The following PTGER4 variants were observed in gnomAD, a reference collection of about 807,000 sequenced individuals.
The protein encoded by PTGER4 is prostaglandin E receptor 4.
PTGER4 carries 11 observed loss-of-function variants against 33.2 expected under a neutral mutation model. The observed-to-expected ratio is 0.33, with a 90% CI of 0.21 to 0.55. The LOEUF is 0.55. Ranked by LOEUF, PTGER4 falls within the 20% of genes least tolerant of loss-of-function variation. PTGER4 has a pLI of 0.92. For missense variants in PTGER4, 481 were observed against 650.2 expected, an observed-to-expected ratio of 0.74 and a Z score of 2.83; for synonymous variants, 275 against 281.5, an observed-to-expected ratio of 0.98 and a Z score of 0.23.
chr5:40,696,557 T>C, downstream of PTGER4: 2 of 604,860 alleles, frequency 3.3e-6, no homozygotes, highest in Non-Finnish European at 4.1e-6. Flanking sequence ...GGAAGTACCT[T>C]GGCAGAAAGG....
chr5:40,705,645 C>G, the PTGER4 span, among the ~76,000 whole-genome samples: 2 of 151,990 alleles, frequency 1.3e-5, no homozygotes, highest in African/African-American at 2.4e-5. Flanking sequence ...AACAAACAAC[C>G]CCATTAAAAC....
the PTGER4 span, among the ~76,000 whole-genome samples, chr5:40,701,627 A>G: frequency 6.6e-6 from 1 of 152,248 alleles, no homozygotes; most frequent in African/African-American, 2.4e-5. Context: ...ATCATCTACC[A>G]AATTTCTCAA....
chr5:40,681,036 G>A lies in PTGER4; in HGVS notation c.43G>A (p.Asp15Asn). ...CAATTCGTCCGCCTCCTTGAGCCCC[G>A]ACCGGCTGAACAGCCCAGTGACCAT... ...GVNSSASLSP[D>N]RLNSPVTIPA... is the part of the protein sequence containing the mutation. Residue 15 changes from aspartate (D) to asparagine (N), a missense_variant, in exon 2 of 3, where the codon GAC becomes AAC. Around this residue, in one of 7 missense-constraint regions of PTGER4, gnomAD observed 26 missense variants for 21.0 expected, o/e 1.24. Coordinates refer to ENST00000302472, the MANE Select transcript of PTGER4 (RefSeq NM_000958.3). The surrounding 1 kb of genome is among the most constrained non-coding windows in gnomAD (Gnocchi z 9.8). The A allele has an allele frequency of 6.2e-7, 1 of 1,613,892 alleles. No homozygotes were observed.
At chr5:40,744,487 GTTTTTT>G in the PTGER4 span, among the ~76,000 whole-genome samples, 1 of 136,414 alleles carries the variant, frequency 7.3e-6, no homozygotes, top group Non-Finnish European at 1.6e-5. Context: ...ACTCTTACCA[GTTTTTT>G]TTTTTTTTTT....
intron 2 of PTGER4, among the ~76,000 whole-genome samples, chr5:40,687,369 C>A (rs995381554): frequency 5.3e-5 from 8 of 152,116 alleles, no homozygotes; most frequent in Admixed American, 5.2e-4. Flanking sequence ...CTCGGAGGTT[C>A]AGTTTTATCA....
chr5:40,720,514 C>T, the PTGER4 span, among the ~76,000 whole-genome samples: 260 of 152,268 alleles, frequency 1.7e-3, 1 homozygote, highest in African/African-American at 5.9e-3. Flanking sequence ...GCTGCAATTA[C>T]ATTTTCAAAT....
chr5:40,681,455 C>T lies in PTGER4; in HGVS notation c.462C>T (p.Pro154=). 6.2e-7 allele frequency: 1 copy of T among 1,613,818 alleles called. No individual in the cohort carries two copies. Among genetic ancestry groups the T allele is most frequent in the South Asian group, 1.1e-5 (1 of 91,078 alleles). The change falls in exon 2 of 3, where the codon CCC becomes CCT. Residue 154 remains proline (P), a synonymous_variant. Transcript: ENST00000302472. This position sits in a 1 kb window ranked among gnomAD's most constrained non-coding sequence, Gnocchi z 9.8. ...CCAACGTGCTCTTTTGCGCGCTGCC[C>T]AACATGGGTCTCGGTAGCTCGCGGC... ...YASNVLFCAL[P]NMGLGSSRLQ...
the PTGER4 span, among the ~76,000 whole-genome samples, chr5:40,708,895 C>A: frequency 6.6e-6 from 1 of 151,976 alleles, no homozygotes; most frequent in Non-Finnish European, 1.5e-5. Flanking sequence ...AATCAATAAA[C>A]GTAATCCAGC....
chr5:40,691,970 G>T lies in PTGER4; in HGVS notation c.1059G>T (p.Gly353=), dbSNP rs1165879853. 1.2e-6 allele frequency: 2 copies of T among 1,614,164 alleles called. No individual in the cohort carries two copies. Among genetic ancestry groups the T allele is most frequent in the South Asian group, 2.2e-5 (2 of 91,088 alleles). The change falls in exon 3 of 3, where the codon GGG becomes GGT. Residue 353 remains glycine (G), a synonymous_variant. Transcript: ENST00000302472. The surrounding 1 kb of genome is among the most constrained non-coding windows in gnomAD (Gnocchi z 4.2). ...KIKCLFCRIG[G]SRRERSGQHC... The stretch of plus-strand genomic sequence containing the variant: ...AATGCCTCTTCTGCCGCATTGGCGG[G>T]TCCCGCAGGGAGCGCTCCGGACAGC...
chr5:40,700,420 C>T, the PTGER4 span, among the ~76,000 whole-genome samples: 29 of 152,334 alleles, frequency 1.9e-4, no homozygotes, highest in Middle Eastern at 3.4e-3. Flanking sequence ...CTTGGACTAA[C>T]GAAGGAGCAA....
At chr5:40,699,655 G>A in the PTGER4 span, among the ~76,000 whole-genome samples, 3 of 152,072 alleles carry the variant, frequency 2.0e-5, no homozygotes, top group Non-Finnish European at 4.4e-5. Flanking sequence ...ATCATCATGA[G>A]TAAGTAGGGT....
chr5:40,728,295 A>AAAAAAAAAAAAAAAT, the PTGER4 span: 6 of 1,239,902 alleles, frequency 4.8e-6, no homozygotes, highest in Non-Finnish European at 6.5e-6. Context: ...AAAAAAAAAA[A>AAAAAAAAAAAAAAAT]GTCAAAATAT....
chr5:40,731,336 G>A, the PTGER4 span, among the ~76,000 whole-genome samples: 2 of 149,870 alleles, frequency 1.3e-5, no homozygotes, highest in Non-Finnish European at 3.0e-5. Context: ...CACATATCAT[G>A]CCTTTGTTAG....
chr5:40,692,269 T>C lies in PTGER4; in HGVS notation c.1358T>C (p.Leu453Pro), dbSNP rs1452652452. The C allele has an allele frequency of 6.2e-7, 1 of 1,614,232 alleles. No individual in the cohort carries two copies. Among genetic ancestry groups the C allele is most frequent in the Admixed American group, 1.7e-5 (1 of 60,030 alleles). The change falls in exon 3 of 3, where the codon CTG becomes CCG. Residue 453 changes from leucine (L) to proline (P), a missense_variant. This residue lies in a region of PTGER4 where 172 missense variants were observed against 199.2 expected (regional missense o/e 0.86). Coordinates refer to ENST00000302472, the MANE Select transcript of PTGER4 (RefSeq NM_000958.3). ...GGTCAGGACTCAGAGAGTGTCTTAC[T>C]GGTGGATGAGGCTGGTGGGAGCGGC... The part of the protein sequence containing the change: ...SQGQDSESVL[L>P]VDEAGGSGRA...
At chr5:40,690,556 G>A (rs7737225) in intron 2 of PTGER4, among the ~76,000 whole-genome samples, 149,626 of 152,302 alleles carry the variant, frequency 0.98, 73,559 homozygotes, top group East Asian at 1. Context: ...TCATTCATCC[G>A]TTGTGATTAC....
At chr5:40,731,077 C>A in the PTGER4 span, among the ~76,000 whole-genome samples, 1 of 152,068 alleles carries the variant, frequency 6.6e-6, no homozygotes, top group Non-Finnish European at 1.5e-5. Context: ...AACAATATTT[C>A]CAAATGTTAT....
At chr5:40,738,519 AAATAAAATAC>A in the PTGER4 span, among the ~76,000 whole-genome samples, 14 of 69,066 alleles carry the variant, frequency 2.0e-4, no homozygotes, top group Admixed American at 8.6e-4. Context: ...AAATACAATA[AAATAAAATAC>A]AATAAAATAC....
At chr5:40,690,307 T>G (rs45567036) in intron 2 of PTGER4, among the ~76,000 whole-genome samples, 87 of 152,274 alleles carry the variant, frequency 5.7e-4, no homozygotes, top group African/African-American at 2.0e-3. Flanking sequence ...ACCACTGCAC[T>G]CCAGCCTGGG....
chr5:40,700,206 G>A, the PTGER4 span, among the ~76,000 whole-genome samples: 10 of 152,306 alleles, frequency 6.6e-5, no homozygotes, highest in Non-Finnish European at 1.0e-4. Context: ...TCAAAAATGT[G>A]AAATATTTAG....
Sources: allele counts gnomAD v4.1 joint callset (sites outside exome capture counted in the v4.1 genomes callset), GRCh38; gene constraint gnomAD v4.1.1; regional missense constraint gnomAD v4.1.1; non-coding constraint Gnocchi (gnomAD v3.1); transcripts MANE v1.5; gene names NCBI Gene and HGNC (gene_info 2026-07-23, HGNC 2026-07-21).